Variants in WWC2 observed in about 807,000 individuals in gnomAD.
The protein encoded by WWC2 is WW and C2 domain containing 2.
A neutral mutation model predicts 138.5 loss-of-function variants in WWC2; 101 were observed. The observed-to-expected ratio is 0.73, with a 90% CI of 0.62 to 0.86. The LOEUF (loss-of-function observed/expected upper bound fraction) is 0.86. WWC2 is among the 40% of genes least tolerant of loss of function. The pLI is 0.00. For synonymous variants in WWC2, 558 were observed against 538.4 expected, an observed-to-expected ratio of 1.04 and a Z score of -0.50; for missense variants, 1,420 against 1,419.4, an observed-to-expected ratio of 1.00 and a Z score of -0.01.
intron 2 of WWC2, among the ~76,000 whole-genome samples, chr4:183,198,441 C>T (rs1190135565): frequency 1.3e-5 from 2 of 151,956 alleles, no homozygotes; most frequent in East Asian, 3.9e-4. Context: ...CTCTGTGTTG[C>T]CCAGACTGGT....
At chr4:183,288,942 C>T (rs1738342711) in intron 20 of WWC2, among the ~76,000 whole-genome samples, 1 of 152,218 alleles carries the variant, frequency 6.6e-6, no homozygotes, top group Admixed American at 6.5e-5. Context: ...TTATTTATTA[C>T]ACTAGGCGGG....
rs149307334 is a variant in WWC2, at chr4:183,269,147, G to T, written c.2384G>T (p.Arg795Leu). The T allele has an allele frequency of 2.0e-5, 32 of 1,609,422 alleles. No homozygotes were observed. The East Asian group carries it at 5.6e-4, about 28-fold the overall frequency. The change falls in exon 15 of 23, where the codon CGA (arginine) becomes CTA (leucine). Residue 795 changes from arginine to leucine, a missense_variant. Physicochemically the swap from Arg to Leu is moderately radical, Grantham distance 102 (BLOSUM62 -2). Transcript: ENST00000403733. ...RVDLCSVSKH[R>L]REECLAGTQI... is the part of the protein sequence containing the mutation. ...GACCTTTGCTCTGTCAGTAAACACC[G>T]AAGGGAAGAATGCCTGGTAGGATTC...
chr4:183,316,110 T>C lies in WWC2; in HGVS notation c.*381T>C. On this transcript the variant is annotated 3_prime_UTR_variant, in exon 23 of 23. Coordinates refer to ENST00000403733, the MANE Select transcript of WWC2 (RefSeq NM_024949.6). Reference sequence around the variant, plus strand: ...CCGGTGGTTTTGCTTCTCCTTTGTGTTCCTGTGAGTAGGCTGTGCCGATGG... The same window carrying C: ...CCGGTGGTTTTGCTTCTCCTTTGTGCTCCTGTGAGTAGGCTGTGCCGATGG... 5.1e-6 allele frequency: 1 copy of C among 197,712 alleles called. No individual in the cohort carries two copies. 12.2% of individuals were successfully genotyped at this position (197,712 alleles called of 1,614,324 possible). A position where few individuals can be genotyped will look rare whatever the true frequency, so the allele number is the denominator to read the frequency against.
intron 4 of WWC2, among the ~76,000 whole-genome samples, chr4:183,218,722 C>G (rs944673488): frequency 6.6e-6 from 1 of 152,148 alleles, no homozygotes; most frequent in Non-Finnish European, 1.5e-5. Flanking sequence ...CCCAGGAAAG[C>G]TGGCAGTGCA....
At chr4:183,113,701 C>CT (rs1463694112) in intron 1 of WWC2, among the ~76,000 whole-genome samples, 3 of 150,450 alleles carry the variant, frequency 2.0e-5, no homozygotes, top group African/African-American at 7.3e-5. Flanking sequence ...CCTGGCCTTT[C>CT]TTTTTTTCTT....
chr4:183,212,811 A>G (rs759508432), intron 4 of WWC2, among the ~76,000 whole-genome samples: 14 of 152,260 alleles, frequency 9.2e-5, no homozygotes, highest in Non-Finnish European at 1.3e-4. Context: ...ATTCCCCAGA[A>G]TTGTCTTCTA....
At chr4:183,267,453 G>A (rs1737542098) in intron 14 of WWC2, among the ~76,000 whole-genome samples, 1 of 152,206 alleles carries the variant, frequency 6.6e-6, no homozygotes, top group South Asian at 2.1e-4. Context: ...GCCATTGGTG[G>A]CCTTTTAGTA....
intron 15 of WWC2, chr4:183,269,480 T>C: frequency 1.9e-6 from 1 of 520,030 alleles, no homozygotes; most frequent in South Asian, 1.5e-5. Flanking sequence ...CCAGTACCAA[T>C]GCCAAGCTTT....
intron 1 of WWC2, among the ~76,000 whole-genome samples, chr4:183,173,736 G>C (rs550143925): frequency 6.6e-6 from 1 of 152,214 alleles, no homozygotes; most frequent in Non-Finnish European, 1.5e-5. Flanking sequence ...GGGGCCAGCT[G>C]CCCGGGGATT....
At chr4:183,228,465 G>A (rs1316526903) in intron 4 of WWC2, among the ~76,000 whole-genome samples, 4 of 152,006 alleles carry the variant, frequency 2.6e-5, no homozygotes, top group Non-Finnish European at 5.9e-5. Flanking sequence ...TTGGGGTGGG[G>A]AAAAATGGGA....
At chr4:183,149,563 G>A (rs1235058337) in intron 1 of WWC2, among the ~76,000 whole-genome samples, 33 of 151,426 alleles carry the variant, frequency 2.2e-4, no homozygotes. Flanking sequence ...CGGAGGTTGC[G>A]GTGAGCCAAG....
intron 1 of WWC2, among the ~76,000 whole-genome samples, chr4:183,187,524 G>A (rs889765518): frequency 1.4e-5 from 2 of 147,502 alleles, no homozygotes; most frequent in Non-Finnish European, 3.0e-5. Flanking sequence ...CTGCACTCTA[G>A]CCTGGGCGAC....
chr4:183,256,217 C>G (rs1029760830), intron 9 of WWC2, among the ~76,000 whole-genome samples: 1 of 152,188 alleles, frequency 6.6e-6, no homozygotes, highest in Non-Finnish European at 1.5e-5. Context: ...CTCATACTTA[C>G]ATTGCCATCA....
chr4:183,236,608 A>G (rs1276291377), intron 4 of WWC2, among the ~76,000 whole-genome samples: 2 of 152,232 alleles, frequency 1.3e-5, no homozygotes, highest in Non-Finnish European at 1.5e-5. Context: ...TTGTCTGACT[A>G]TTAAGCTAGG....
intron 1 of WWC2, among the ~76,000 whole-genome samples, chr4:183,138,228 G>T (rs1733182510): frequency 6.6e-6 from 1 of 152,160 alleles, no homozygotes; most frequent in African/African-American, 2.4e-5. Context: ...GTTTCGGACA[G>T]GCTCTTTCTT....
chr4:183,282,501 C>T, intron 17 of WWC2: 1 of 580,436 alleles, frequency 1.7e-6, no homozygotes, highest in East Asian at 2.8e-5. Context: ...TTTAGTACCA[C>T]ATTATGGTGA....
chr4:183,263,497 C>G (rs936273566), intron 11 of WWC2, among the ~76,000 whole-genome samples: 1 of 152,172 alleles, frequency 6.6e-6, no homozygotes, highest in Non-Finnish European at 1.5e-5. Flanking sequence ...TTTTTAAATG[C>G]ATATATTAGA....
intron 1 of WWC2, among the ~76,000 whole-genome samples, chr4:183,128,043 GAAA>G (rs528448875): frequency 8.3e-6 from 1 of 120,754 alleles, no homozygotes; most frequent in Admixed American, 8.7e-5. Flanking sequence ...CCCCATCTCT[GAAA>G]AAAAAAAAAA....
intron 1 of WWC2, among the ~76,000 whole-genome samples, chr4:183,179,944 G>A (rs1278060481): frequency 1.3e-5 from 2 of 152,132 alleles, no homozygotes; most frequent in African/African-American, 2.4e-5. Flanking sequence ...AATGTAAACC[G>A]TGTGAAATAT....
Sources: allele counts gnomAD v4.1 joint callset (sites outside exome capture counted in the v4.1 genomes callset), GRCh38; gene constraint gnomAD v4.1.1; transcripts MANE v1.5; gene names NCBI Gene and HGNC (gene_info 2026-07-23, HGNC 2026-07-21).